The following MCPH1 variants were observed in gnomAD, a reference collection of about 807,000 sequenced individuals.
MCPH1 encodes microcephalin 1, also known as microcephalin.
In MCPH1, 104 loss-of-function variants were observed where a neutral mutation model predicts 84.5. The observed-to-expected ratio is 1.23, with a 90% CI of 1.05 to 1.45. The LOEUF is 1.45. Among genes scored for constraint, MCPH1 ranks in the 40% most tolerant of loss-of-function variants. MCPH1 has a pLI of 0.00. For synonymous variants in MCPH1, 514 were observed against 366.8 expected (o/e 1.40, Z -4.58); for missense variants, 1,498 against 1,005.7 (o/e 1.49, Z -6.62).
At chr8:6,632,203 T>A (rs1797213464) in intron 13 of MCPH1, among the ~76,000 whole-genome samples, 1 of 152,218 alleles carries the variant, frequency 6.6e-6, no homozygotes, top group Non-Finnish European at 1.5e-5. Flanking sequence ...GGAGAATTAT[T>A]GTTTAATGGC....
At chr8:6,493,191 C>T (rs894552704) in intron 11 of MCPH1, among the ~76,000 whole-genome samples, 4 of 152,190 alleles carry the variant, frequency 2.6e-5, no homozygotes, top group Non-Finnish European at 5.9e-5. Flanking sequence ...ACAGTGGTGA[C>T]ATGCTGGGTT....
intron 12 of MCPH1, among the ~76,000 whole-genome samples, chr8:6,613,623 C>CCG (rs1830501120): frequency 6.7e-6 from 1 of 149,186 alleles, no homozygotes; most frequent in East Asian, 2.0e-4. Flanking sequence ...CCCAAGGGAC[C>CCG]GGGGGGTGAG....
chr8:6,508,553 C>A, intron 12 of MCPH1: 1 of 342,836 alleles, frequency 2.9e-6, no homozygotes, highest in Non-Finnish European at 5.2e-6. Flanking sequence ...TTTCTATAAT[C>A]TATATTACTG....
At chr8:6,419,128 T>TACACAC (rs59016342) in intron 3 of MCPH1, among the ~76,000 whole-genome samples, 8 of 144,516 alleles carry the variant, frequency 5.5e-5, no homozygotes, top group African/African-American at 1.9e-4. Context: ...TATATACACA[T>TACACAC]ACACACACAC....
At chr8:6,506,801 C>A (rs941308386) in intron 12 of MCPH1, among the ~76,000 whole-genome samples, 4 of 149,176 alleles carry the variant, frequency 2.7e-5, no homozygotes, top group African/African-American at 9.9e-5. Context: ...TTTAATGAGG[C>A]CTGATTCTTT....
chr8:6,445,646 C>G, intron 8 of MCPH1, 99 bp downstream of exon 8: 1 of 1,478,032 alleles, frequency 6.8e-7, no homozygotes. Context: ...ACTTATTTCC[C>G]CATTTACTCC....
chr8:6,518,422 A>T (rs1344187559), intron 12 of MCPH1, among the ~76,000 whole-genome samples: 1 of 152,112 alleles, frequency 6.6e-6, no homozygotes, highest in Non-Finnish European at 1.5e-5. Flanking sequence ...TCCCTGTTGT[A>T]TGGCTTCTAG....
chr8:6,475,438 T>C (rs550559630), intron 9 of MCPH1, among the ~76,000 whole-genome samples: 12 of 152,336 alleles, frequency 7.9e-5, no homozygotes, highest in African/African-American at 2.2e-4. Flanking sequence ...TGCCTGACCA[T>C]CGCTCTGGTG....
intron 12 of MCPH1, among the ~76,000 whole-genome samples, chr8:6,561,985 A>G (rs901750461): frequency 2.6e-5 from 4 of 152,156 alleles, no homozygotes; most frequent in African/African-American, 9.7e-5. Flanking sequence ...GGTTGCTGGA[A>G]CTGACGGGGG....
intron 13 of MCPH1, among the ~76,000 whole-genome samples, chr8:6,638,353 CGT>C (rs1007242231): frequency 6.6e-5 from 10 of 152,086 alleles, no homozygotes; most frequent in Admixed American, 2.0e-4. Context: ...ACATGGGTCC[CGT>C]GTGCTCTTGA....
chr8:6,570,803 G>GTTTTTTT (rs10548398), intron 12 of MCPH1, among the ~76,000 whole-genome samples: 10 of 108,686 alleles, frequency 9.2e-5, no homozygotes, highest in South Asian at 3.2e-4. Context: ...ATGGATTGTT[G>GTTTTTTT]TTTTTTTTTT....
At chr8:6,435,217 G>A (rs1802475100) in intron 4 of MCPH1, among the ~76,000 whole-genome samples, 1 of 152,160 alleles carries the variant, frequency 6.6e-6, no homozygotes, top group Admixed American at 6.5e-5. Context: ...AATAGAAATT[G>A]TTTTATTACT....
chr8:6,466,967 A>G (rs186312147), intron 9 of MCPH1, among the ~76,000 whole-genome samples: 8 of 152,374 alleles, frequency 5.3e-5, no homozygotes, highest in Non-Finnish European at 7.3e-5. Context: ...ATTTAGGAAT[A>G]TAAATTATTT....
At chr8:6,524,677 G>T (rs532032290) in intron 12 of MCPH1, among the ~76,000 whole-genome samples, 1 of 152,342 alleles carries the variant, frequency 6.6e-6, no homozygotes, top group Non-Finnish European at 1.5e-5. Context: ...TAAGCCTGCG[G>T]AAATTTAGAT....
At chr8:6,582,700 C>A (rs1350176038) in intron 12 of MCPH1, among the ~76,000 whole-genome samples, 1 of 152,222 alleles carries the variant, frequency 6.6e-6, no homozygotes. Flanking sequence ...AAACCACTGT[C>A]TGGAATCCTT....
intron 12 of MCPH1, among the ~76,000 whole-genome samples, chr8:6,591,136 A>G (rs948036152): frequency 6.6e-6 from 1 of 152,236 alleles, no homozygotes; most frequent in African/African-American, 2.4e-5. Context: ...ACCTCAGGTG[A>G]TCAGCCCGCC....
intron 3 of MCPH1, among the ~76,000 whole-genome samples, chr8:6,430,632 T>C (rs1428729775): frequency 1.3e-5 from 2 of 152,250 alleles, no homozygotes; most frequent in African/African-American, 4.8e-5. Flanking sequence ...CTTTATTTTT[T>C]CAAATAACTG....
chr8:6,520,129 C>G (rs1817034416), intron 12 of MCPH1: 3 of 941,346 alleles, frequency 3.2e-6, no homozygotes, highest in East Asian at 2.6e-5. Context: ...ACTTTTTTAA[C>G]CTTTCTAGAA....
At chr8:6,416,978 G>A (rs1483401942) in intron 3 of MCPH1, among the ~76,000 whole-genome samples, 2 of 150,536 alleles carry the variant, frequency 1.3e-5, no homozygotes, top group South Asian at 4.2e-4. Context: ...TGGGCGACAA[G>A]AGCGGGGAAA....
Sources: allele counts gnomAD v4.1 joint callset (sites outside exome capture counted in the v4.1 genomes callset), GRCh38; gene constraint gnomAD v4.1.1; transcripts MANE v1.5; gene names NCBI Gene and HGNC (gene_info 2026-07-23, HGNC 2026-07-21).